The following IQCH variants were observed in gnomAD, a reference collection of about 807,000 sequenced individuals.
The protein encoded by IQCH is IQ domain-containing protein H.
IQCH carries 98 observed loss-of-function variants against 117.0 expected under a neutral mutation model. That is an observed-to-expected ratio of 0.84 (90% confidence interval 0.71 to 0.99). The LOEUF (loss-of-function observed/expected upper bound fraction) is 0.99. IQCH is among the 50% of genes least tolerant of loss of function. The pLI is 0.00. For missense variants in IQCH, 1,102 were observed against 1,243.8 expected (o/e 0.89, Z 1.72); for synonymous variants, 412 against 448.2 (o/e 0.92, Z 1.02).
Position 67,472,225 on chromosome 15 carries a change from A to G in IQCH, c.2677-3471A>G, listed in dbSNP as rs1193631760. Among the ~76,000 whole-genome samples, 1 of 152,198 alleles carries G rather than the reference A, an allele frequency of 6.6e-6. No homozygotes were observed. The highest frequency in any genetic ancestry group is 1.9e-4 in the East Asian group (1 of 5,200). Reference sequence around the variant, plus strand: ...GAGGACGTCCCCTAGCAGATGGGACAGAGTCCAAAGAAACCTGTGGTCTGC... The same window carrying G: ...GAGGACGTCCCCTAGCAGATGGGACGGAGTCCAAAGAAACCTGTGGTCTGC... On this transcript the variant is annotated intron_variant, in intron 17 of 20. Transcript: ENST00000335894. This position sits in a 1 kb window ranked among gnomAD's most constrained non-coding sequence, Gnocchi z 4.3.
At chr15:67,451,307 T>C (rs1392254285) in intron 16 of IQCH, among the ~76,000 whole-genome samples, 2 of 152,172 alleles carry the variant, frequency 1.3e-5, no homozygotes, top group African/African-American at 4.8e-5. Flanking sequence ...TTCTTTTAAT[T>C]GTGATGTTAG....
chr15:67,306,501 C>T (rs1030731525), intron 4 of IQCH, among the ~76,000 whole-genome samples: 1 of 152,080 alleles, frequency 6.6e-6, no homozygotes, highest in South Asian at 2.1e-4. Flanking sequence ...TAACCTTAGA[C>T]ATTTTTGACA....
intron 4 of IQCH, among the ~76,000 whole-genome samples, chr15:67,332,439 A>G (rs1259335429): frequency 6.6e-6 from 1 of 152,186 alleles, no homozygotes; most frequent in African/African-American, 2.4e-5. Context: ...TAATTCAAGT[A>G]TGACTTGCTT....
rs1969226278 is a variant in IQCH, at chr15:67,342,736, T to C, written c.509-1327T>C. Among the ~76,000 whole-genome samples the C allele has an allele frequency of 6.6e-6, 1 of 152,194 alleles. No homozygotes were observed. The highest frequency in any genetic ancestry group is 2.1e-4 in the South Asian group (1 of 4,828). ...ATTTCAAAAAGGTCCTAAAGTGTTATACTCTGGATCAGTAATTCTTAAGTG... is the reference window on the plus strand; with the variant it reads ...ATTTCAAAAAGGTCCTAAAGTGTTACACTCTGGATCAGTAATTCTTAAGTG... On this transcript the variant is annotated intron_variant, in intron 5 of 20. Coordinates refer to ENST00000335894, the MANE Select transcript of IQCH (RefSeq NM_001031715.3). The surrounding 1 kb of genome is among the most constrained non-coding windows in gnomAD (Gnocchi z 4.7).
intron 3 of IQCH, among the ~76,000 whole-genome samples, chr15:67,265,076 A>G (rs980986709): frequency 2.0e-5 from 3 of 152,198 alleles, no homozygotes; most frequent in African/African-American, 4.8e-5. Context: ...GCTGTCACCA[A>G]TTCTAATGAA....
intron 18 of IQCH, among the ~76,000 whole-genome samples, chr15:67,488,113 G>A (rs2083543894): frequency 6.6e-6 from 1 of 152,134 alleles, no homozygotes; most frequent in Admixed American, 6.5e-5. Flanking sequence ...AGCAGTTCGA[G>A]ACCAGCCTAA....
At chr15:67,486,776 T>A (rs951614674) in intron 18 of IQCH, among the ~76,000 whole-genome samples, 1 of 152,206 alleles carries the variant, frequency 6.6e-6, no homozygotes, top group African/African-American at 2.4e-5. Context: ...TATATTTTAT[T>A]TAATCCAGTA....
At chr15:67,460,501 G>A (rs542648508) in intron 16 of IQCH, among the ~76,000 whole-genome samples, 21 of 152,294 alleles carry the variant, frequency 1.4e-4, no homozygotes, top group Admixed American at 1.0e-3. Flanking sequence ...TCACTTGGAT[G>A]TGTCATAGTC....
chr15:67,299,410 T>C (rs1966913867), intron 4 of IQCH, among the ~76,000 whole-genome samples: 1 of 152,026 alleles, frequency 6.6e-6, no homozygotes, highest in Non-Finnish European at 1.5e-5. Context: ...AATAATTTAT[T>C]GTACATTTAA....
rs770506141 is a variant in IQCH, at chr15:67,306,870, T to G, written c.387+27358T>G. 4.6e-6 allele frequency: 7 copies of G among 1,528,696 alleles called. No individual in the cohort carries two copies. The South Asian group carries it at 6.0e-5, about 13-fold the overall frequency. 94.7% of individuals were successfully genotyped at this position (1,528,696 alleles called of 1,614,324 possible). On this transcript the variant is annotated intron_variant, in intron 4 of 20. Transcript: ENST00000335894. The stretch of plus-strand genomic sequence containing the variant: ...GGAAACAAGAAGAAATCCCTGGTAC[T>G]GTTCATGTTCCCTCACTGACATCCA...
In IQCH at chr15:67,400,108, TCA is replaced by T; in HGVS notation, c.1906-3_1906-2del. ...ATTAAATGCAGCTGTGTCTTTGGCC[TCA>T]CAGATGATAGAGCAGCTGAGTCAGC... On this transcript the variant is annotated splice_polypyrimidine_tract_variant and splice_region_variant and intron_variant, in intron 13 of 20. Coordinates refer to ENST00000335894, the MANE Select transcript of IQCH (RefSeq NM_001031715.3). 1.2e-6 allele frequency: 2 copies of T among 1,612,280 alleles called. No individual in the cohort carries two copies. Among genetic ancestry groups the T allele is most frequent in the South Asian group, 2.2e-5 (2 of 90,936 alleles).
At chr15:67,330,629 C>T (rs1306079286) in intron 4 of IQCH, among the ~76,000 whole-genome samples, 1 of 152,064 alleles carries the variant, frequency 6.6e-6, no homozygotes, top group Admixed American at 6.6e-5. Context: ...TTGGTGAAAG[C>T]ATCAGAAACT....
Position 67,369,711 on chromosome 15 carries a change from G to C in IQCH, c.754-2400G>C, listed in dbSNP as rs576963343. ...AAGCATGGCATGACCTTTAATCAGGGCTCTTATTCCTAGCAGGCTGTGAAG... is the reference window on the plus strand; with the variant it reads ...AAGCATGGCATGACCTTTAATCAGGCCTCTTATTCCTAGCAGGCTGTGAAG... On this transcript the variant is annotated intron_variant, in intron 8 of 20. Transcript: ENST00000335894. This position sits in a 1 kb window ranked among gnomAD's most constrained non-coding sequence, Gnocchi z 5.2. Among the ~76,000 whole-genome samples, 1 of 152,274 alleles carries C rather than the reference G, an allele frequency of 6.6e-6. No homozygotes were observed. The highest frequency in any genetic ancestry group is 6.5e-5 in the Admixed American group (1 of 15,292).
intron 3 of IQCH, among the ~76,000 whole-genome samples, chr15:67,266,173 T>C (rs1965660741): frequency 6.6e-6 from 1 of 150,580 alleles, no homozygotes; most frequent in African/African-American, 2.4e-5. Context: ...AGTGAATACA[T>C]TATAAAATGT....
chr15:67,263,709 G>T (rs1445656746), intron 3 of IQCH, among the ~76,000 whole-genome samples: 2 of 151,974 alleles, frequency 1.3e-5, no homozygotes, highest in Non-Finnish European at 2.9e-5. Context: ...TAGATCACCT[G>T]GTACTTTATG....
rs932588862 is a variant in IQCH at position 67,417,427 on chromosome 15, G to A, written c.2218+376G>A. Among the ~76,000 whole-genome samples, 32 of 152,150 alleles carry A rather than the reference G, an allele frequency of 2.1e-4. 1 individual carries two copies. The highest frequency in any genetic ancestry group is 7.5e-4 in the African/African-American group (31 of 41,432). ...CTTACCTACCTTACAGGGTCATTGGGTGGATTCAATGAAATACAGATATGA... is the reference window on the plus strand; with the variant it reads ...CTTACCTACCTTACAGGGTCATTGGATGGATTCAATGAAATACAGATATGA... On this transcript the variant is annotated intron_variant, in intron 15 of 20. Coordinates refer to ENST00000335894, the MANE Select transcript of IQCH (RefSeq NM_001031715.3). This position sits in a 1 kb window ranked among gnomAD's most constrained non-coding sequence, Gnocchi z 4.3.
chr15:67,290,818 CAG>C (rs1043125836), intron 4 of IQCH, among the ~76,000 whole-genome samples: 3 of 152,110 alleles, frequency 2.0e-5, no homozygotes, highest in African/African-American at 7.2e-5. Flanking sequence ...CTCTGGAATG[CAG>C]AGATATATAA....
At chr15:67,266,652 G>A (rs540029794) in intron 3 of IQCH, among the ~76,000 whole-genome samples, 115 of 152,160 alleles carry the variant, frequency 7.6e-4, no homozygotes, top group African/African-American at 2.5e-3. Flanking sequence ...GCGAGACTCC[G>A]TCTAAAAAAA....
Position 67,493,374 on chromosome 15 carries a change from T to C in IQCH, c.2862-884T>C, listed in dbSNP as rs1020076577. Among the ~76,000 whole-genome samples, 37 of 152,328 alleles carry C rather than the reference T, an allele frequency of 2.4e-4. No homozygotes were observed. Among genetic ancestry groups the C allele is most frequent in the African/African-American group, 7.9e-4 (33 of 41,584 alleles). ...AAGCCTACACTGAGTGACCACCTTA[T>C]ATAGGGAGCCCTATAATGCTACAGG... On this transcript the variant is annotated intron_variant, in intron 19 of 20. Coordinates refer to ENST00000335894, the MANE Select transcript of IQCH (RefSeq NM_001031715.3). This position sits in a 1 kb window ranked among gnomAD's most constrained non-coding sequence, Gnocchi z 5.1.
Sources: allele counts gnomAD v4.1 joint callset (sites outside exome capture counted in the v4.1 genomes callset), GRCh38; gene constraint gnomAD v4.1.1; non-coding constraint Gnocchi (gnomAD v3.1); transcripts MANE v1.5; gene names NCBI Gene and HGNC (gene_info 2026-07-23, HGNC 2026-07-21).